Variants in RBFOX1 observed in about 807,000 individuals in gnomAD.
RBFOX1 encodes the protein RNA binding fox-1 homolog 1.
RBFOX1 carries 8 observed loss-of-function variants against 57.7 expected under a neutral mutation model. That is an observed-to-expected ratio of 0.14 (90% CI 0.08 to 0.25). The LOEUF is 0.25. RBFOX1 is among the 10% of genes least tolerant of loss of function. The pLI is 1.00. For synonymous variants in RBFOX1, 326 were observed against 222.4 expected (o/e 1.47, Z -4.15); for missense variants, 611 against 548.5 (o/e 1.11, Z -1.14).
At position 7,095,379 on chromosome 16, in the gene RBFOX1, C is replaced by T. The variant is rs934585611; in HGVS notation, c.27+43281C>T. On this transcript the variant is annotated intron_variant, in intron 4 of 15. Transcript: ENST00000550418. Reference sequence around the variant, plus strand: ...TCTCGAACTCCTGACCTCAGGTAATCGACCTGCCTCAGCCTCCCACAGTGC... The same window carrying T: ...TCTCGAACTCCTGACCTCAGGTAATTGACCTGCCTCAGCCTCCCACAGTGC... Among the ~76,000 whole-genome samples, 8 of 152,088 alleles carry T rather than the reference C, an allele frequency of 5.3e-5. No individual in the cohort carries two copies. The East Asian group carries it at 5.8e-4, about 11-fold the overall frequency.
At chr16:6,306,999 T>C (rs1311850354) in intron 1 of RBFOX1, among the ~76,000 whole-genome samples, 1 of 151,988 alleles carries the variant, frequency 6.6e-6, no homozygotes, top group African/African-American at 2.4e-5. Context: ...ACCCAAAAAG[T>C]CAAACTAGAC....
intron 3 of RBFOX1, among the ~76,000 whole-genome samples, chr16:6,997,030 A>G (rs1456697373): frequency 6.6e-6 from 1 of 152,140 alleles, no homozygotes; most frequent in African/African-American, 2.4e-5. Flanking sequence ...GTTTATATTT[A>G]TATGCACGTA....
chr16:7,283,280 T>G (rs1469296170), intron 4 of RBFOX1, among the ~76,000 whole-genome samples: 1 of 151,824 alleles, frequency 6.6e-6, no homozygotes, highest in Non-Finnish European at 1.5e-5. Flanking sequence ...GCTTTCAGTT[T>G]TCCATGGCCT....
intron 3 of RBFOX1, among the ~76,000 whole-genome samples, chr16:6,765,498 C>A (rs538268146): frequency 6.6e-6 from 1 of 151,746 alleles, no homozygotes; most frequent in South Asian, 2.1e-4. Flanking sequence ...ATATAACAAA[C>A]CTGCACATGT....
chr16:6,827,987 T>C (rs970817283), intron 3 of RBFOX1, among the ~76,000 whole-genome samples: 14 of 152,250 alleles, frequency 9.2e-5, no homozygotes. Flanking sequence ...AAATCTTGTC[T>C]GCTTTTTGCT....
chr16:5,883,538 G>A (rs986987051), intron 4 of RBFOX1, among the ~76,000 whole-genome samples: 4 of 151,892 alleles, frequency 2.6e-5, no homozygotes, highest in South Asian at 4.2e-4. Context: ...CAGTCCCAAC[G>A]TTGGACTGCT....
intron 2 of RBFOX1, among the ~76,000 whole-genome samples, chr16:6,489,253 CCTT>C (rs1251053072): frequency 6.6e-6 from 1 of 152,154 alleles, no homozygotes; most frequent in Non-Finnish European, 1.5e-5. Context: ...CCCATATGGT[CCTT>C]CTTTTCCCTC....
intron 1 of RBFOX1, among the ~76,000 whole-genome samples, chr16:6,043,301 C>A (rs113312213): frequency 1.3e-5 from 2 of 152,066 alleles, no homozygotes; most frequent in South Asian, 4.2e-4. Flanking sequence ...TGTGCTAGAT[C>A]CAGGGAAGTC....
chr16:5,568,998 G>A (rs1026956941), intron 2 of RBFOX1, among the ~76,000 whole-genome samples: 3 of 146,978 alleles, frequency 2.0e-5, no homozygotes, highest in African/African-American at 5.2e-5. Flanking sequence ...ATGCCACCAC[G>A]CCCGGCTAAT....
intron 3 of RBFOX1, among the ~76,000 whole-genome samples, chr16:6,968,049 G>A (rs2084676879): frequency 6.6e-6 from 1 of 152,150 alleles, no homozygotes; most frequent in Admixed American, 6.5e-5. Flanking sequence ...ACAGTGCTGG[G>A]AGGTGCTTGG....
At chr16:5,461,057 C>T (rs564087769) in intron 1 of RBFOX1, among the ~76,000 whole-genome samples, 48 of 152,180 alleles carry the variant, frequency 3.2e-4, no homozygotes, top group African/African-American at 1.1e-3. Context: ...GTGGGGGTCC[C>T]GTCATTTCCA....
chr16:6,052,857 G>A (rs535104351), intron 1 of RBFOX1, among the ~76,000 whole-genome samples: 241 of 144,896 alleles, frequency 1.7e-3, no homozygotes, highest in Non-Finnish European at 2.9e-3. Flanking sequence ...ATGGCCTGGG[G>A]TTGTGCAGGT....
chr16:5,257,000 C>G (rs549715946), intron 1 of RBFOX1, among the ~76,000 whole-genome samples: 1 of 151,714 alleles, frequency 6.6e-6, no homozygotes, highest in East Asian at 1.9e-4. Context: ...GGCAATTTGT[C>G]AAAGATTGTT....
chr16:5,496,559 C>T (rs2151685018), intron 2 of RBFOX1, among the ~76,000 whole-genome samples: 1 of 152,270 alleles, frequency 6.6e-6, no homozygotes, highest in Non-Finnish European at 1.5e-5. Flanking sequence ...TATCAGGCAT[C>T]ATTTAGGAGG....
chr16:6,515,255 A>G (rs980828326), intron 2 of RBFOX1, among the ~76,000 whole-genome samples: 22 of 152,294 alleles, frequency 1.4e-4, no homozygotes, highest in Middle Eastern at 3.4e-3. Flanking sequence ...AAAGTGGCTT[A>G]CTTTTCTGTA....
chr16:6,299,129 G>T (rs1359136517), intron 1 of RBFOX1, among the ~76,000 whole-genome samples: 2 of 152,130 alleles, frequency 1.3e-5, no homozygotes, highest in African/African-American at 4.8e-5. Flanking sequence ...AGCAGCTGGT[G>T]GTAACATTAG....
intron 2 of RBFOX1, among the ~76,000 whole-genome samples, chr16:6,635,601 G>A (rs80088734): frequency 7.9e-5 from 12 of 152,142 alleles, no homozygotes; most frequent in Admixed American, 4.6e-4. Flanking sequence ...ATAGGGTCTG[G>A]GAGGAACATA....
chr16:7,030,577 T>C (rs1189682507), intron 3 of RBFOX1, among the ~76,000 whole-genome samples: 1 of 152,166 alleles, frequency 6.6e-6, no homozygotes, highest in Non-Finnish European at 1.5e-5. Context: ...TGTCTTTGTT[T>C]CTCTGTGTGT....
chr16:6,543,594 G>T (rs1227851070), intron 2 of RBFOX1, among the ~76,000 whole-genome samples: 4 of 152,088 alleles, frequency 2.6e-5, no homozygotes, highest in African/African-American at 9.7e-5. Context: ...GGGTTGTTTT[G>T]CTGTTGTTTT....
Sources: gnomAD v4.1 joint callset for allele counts (sites outside exome capture counted in the v4.1 genomes callset) on GRCh38, gnomAD v4.1.1 for gene constraint, MANE v1.5 for transcripts, NCBI Gene and HGNC (gene_info 2026-07-23, HGNC 2026-07-21) for gene names.